Variants in NFE2L3 observed in about 807,000 individuals in gnomAD.
NFE2L3 encodes the protein nuclear factor erythroid 2-related factor 3.
NFE2L3 carries 18 observed loss-of-function variants against 23.5 expected under a neutral mutation model. The ratio of observed to expected loss-of-function variants is 0.77; its 90% CI spans 0.53 to 1.13. NFE2L3 has a LOEUF of 1.13. Ranked by LOEUF, NFE2L3 falls within the 50% of genes most tolerant of loss-of-function variation. The pLI, the probability that NFE2L3 is intolerant of heterozygous loss-of-function variation, is 0.00. For missense variants in NFE2L3, 1,152 were observed against 877.2 expected (o/e 1.31, Z -3.96); for synonymous variants, 424 against 354.5 (o/e 1.20, Z -2.20).
intron 1 of NFE2L3, among the ~76,000 whole-genome samples, chr7:26,169,369 A>G (rs1784300908): frequency 2.0e-5 from 3 of 152,366 alleles, no homozygotes; most frequent in African/African-American, 4.8e-5. Flanking sequence ...GGCAGAACCC[A>G]GCACCTGGGC....
At chr7:26,183,828 ACTGACCTTTTGGTG>A (rs1782398917) in intron 3 of NFE2L3, 44 bp downstream of exon 3, 1 of 1,257,812 alleles carries the variant, frequency 8.0e-7, no homozygotes, top group African/African-American at 1.5e-5. Context: ...ACATATCTGC[ACTGACCTTTTGGTG>A]AACAAATACA....
In NFE2L3 at chr7:26,184,928, G is replaced by A; in HGVS notation, c.1230G>A (p.Gln410=). Residue 410 remains glutamine (Q), a synonymous_variant, in exon 4 of 4, where the codon CAG becomes CAA. Coordinates refer to ENST00000056233, the MANE Select transcript of NFE2L3 (RefSeq NM_004289.7). ...ACTTTGATCCAATCGATGTTTCTCA[G>A]CTTTTTGATGAACCAGATTCTGATT... ...EDNFDPIDVS[Q]LFDEPDSDSG... is the part of the protein sequence containing the mutation. 1.2e-6 allele frequency: 2 copies of A among 1,613,884 alleles called. No homozygotes were observed. The highest frequency in any genetic ancestry group is 1.1e-5 in the South Asian group (1 of 91,068).
chr7:26,180,658 C>T (rs997888636), intron 2 of NFE2L3, among the ~76,000 whole-genome samples: 11 of 152,194 alleles, frequency 7.2e-5, no homozygotes, highest in South Asian at 2.1e-4. Flanking sequence ...GGTATGTCTT[C>T]GTCTTTACTC....
rs575018912 is a variant in NFE2L3, at chr7:26,171,770, C to G, written c.571-6173C>G. Among the ~76,000 whole-genome samples the G allele has an allele frequency of 2.0e-5, 3 of 152,196 alleles. No individual in the cohort carries two copies. In the East Asian group the frequency reaches 5.8e-4, roughly 29 times the overall value. ...ATCTGGCCAGGAGTGATGACCCACA[C>G]CTATAATCCCAGTGTTTTGGGAGGC... On this transcript the variant is annotated intron_variant, in intron 1 of 3. Transcript: ENST00000056233.
In NFE2L3 at chr7:26,152,684, C is replaced by G. The variant is rs1428923634; in HGVS notation, c.186C>G (p.Phe62Leu). 2.0e-6 allele frequency: 3 copies of G among 1,484,700 alleles called. No individual in the cohort carries two copies. Among genetic ancestry groups the G allele is most frequent in the African/African-American group, 1.5e-5 (1 of 68,622 alleles). The allele number at this position is 1,484,700 out of a possible 1,614,324, so 92.0% of individuals were successfully genotyped here. The part of the protein sequence containing the change: ...PASSAYALSP[F>L]SASGGWGRAG... ...GCTCCGCCTACGCGCTCAGCCCCTTCTCGGCCTCGGGAGGGTGGGGGCGCG... is the reference window on the plus strand; with the variant it reads ...GCTCCGCCTACGCGCTCAGCCCCTTGTCGGCCTCGGGAGGGTGGGGGCGCG... Residue 62 changes from phenylalanine (F) to leucine (L), a missense_variant, in exon 1 of 4, where the codon TTC becomes TTG. Coordinates refer to ENST00000056233, the MANE Select transcript of NFE2L3 (RefSeq NM_004289.7). This position sits in a 1 kb window ranked among gnomAD's most constrained non-coding sequence, Gnocchi z 4.4.
intron 1 of NFE2L3, among the ~76,000 whole-genome samples, chr7:26,156,447 T>C (rs1784082923): frequency 6.6e-6 from 1 of 152,074 alleles, no homozygotes; most frequent in African/African-American, 2.4e-5. Flanking sequence ...GAGTAGGGGA[T>C]TTTCCAAGTA....
chr7:26,177,467 C>T (rs944980106), intron 1 of NFE2L3, among the ~76,000 whole-genome samples: 4 of 152,104 alleles, frequency 2.6e-5, no homozygotes, highest in East Asian at 1.9e-4. Context: ...CATGGCGGCG[C>T]GTCCCTGCAA....
In NFE2L3 at chr7:26,157,044, G is replaced by A. The variant is rs535376163; in HGVS notation, c.570+3976G>A. On this transcript the variant is annotated intron_variant, in intron 1 of 3. Coordinates refer to ENST00000056233, the MANE Select transcript of NFE2L3 (RefSeq NM_004289.7). ...AGAGACTCGCTTGAACCTGGGAGGC[G>A]GAGGGTGCAGTGAGCCGAGATCGCT... Among the ~76,000 whole-genome samples the A allele has an allele frequency of 7.2e-5, 11 of 152,120 alleles. No individual in the cohort carries two copies. In the East Asian group the frequency reaches 9.7e-4, roughly 13 times the overall value.
At chr7:26,183,407 A>G (rs982036996) in intron 2 of NFE2L3, among the ~76,000 whole-genome samples, 10 of 151,992 alleles carry the variant, frequency 6.6e-5, no homozygotes, top group African/African-American at 1.9e-4. Context: ...AATTAGCCAG[A>G]CGTGGTGGTG....
intron 1 of NFE2L3, among the ~76,000 whole-genome samples, chr7:26,172,063 G>C (rs756423113): frequency 2.0e-5 from 3 of 152,070 alleles, no homozygotes; most frequent in Non-Finnish European, 2.9e-5. Context: ...GCATTATTTG[G>C]GAAGCATAGC....
intron 1 of NFE2L3, among the ~76,000 whole-genome samples, chr7:26,154,674 C>T (rs534823081): frequency 2.0e-5 from 3 of 152,316 alleles, no homozygotes; most frequent in African/African-American, 7.2e-5. Flanking sequence ...CTTCAGTCTC[C>T]CAGGTAGCTA....
chr7:26,181,934 G>A (rs1784520609), intron 2 of NFE2L3, among the ~76,000 whole-genome samples: 1 of 152,096 alleles, frequency 6.6e-6, no homozygotes, highest in Admixed American at 6.5e-5. Context: ...TACCAGAGAA[G>A]ATGCAAAATA....
At chr7:26,164,975 T>C (rs566412586) in intron 1 of NFE2L3, among the ~76,000 whole-genome samples, 10 of 152,334 alleles carry the variant, frequency 6.6e-5, no homozygotes, top group African/African-American at 2.4e-4. Context: ...GTGGCATTAT[T>C]TCTGAGGGCT....
At chr7:26,160,988 A>G (rs1050213625) in intron 1 of NFE2L3, among the ~76,000 whole-genome samples, 1 of 152,226 alleles carries the variant, frequency 6.6e-6, no homozygotes, top group African/African-American at 2.4e-5. Flanking sequence ...ATAGTAATAG[A>G]TCGTCAACAG....
intron 2 of NFE2L3, among the ~76,000 whole-genome samples, chr7:26,180,634 T>C (rs1425888145): frequency 6.6e-6 from 1 of 152,210 alleles, no homozygotes; most frequent in Non-Finnish European, 1.5e-5. Context: ...GAATTGTATA[T>C]TGCCTTTCTC....
rs70943276 is a variant in NFE2L3, at chr7:26,175,853, C to CTT, written c.571-2072_571-2071dup. On this transcript the variant is annotated intron_variant, in intron 1 of 3. Coordinates refer to ENST00000056233, the MANE Select transcript of NFE2L3 (RefSeq NM_004289.7). ...TTAGCTGTTTGATCAATTTTCTTTT[C>CTT]TTTTTTTTTTTTTTTTTTTAGTATT... is the stretch of plus-strand genomic sequence containing the variant. 2.1e-3 allele frequency among the ~76,000 whole-genome samples: 235 copies of CTT among 111,644 alleles called. 3 individuals carry two copies. Among genetic ancestry groups the CTT allele is most frequent in the Admixed American group, 7.9e-3 (84 of 10,604 alleles). The allele number at this position is 111,644 out of a possible 152,430, so 73.2% of individuals were successfully genotyped here. A position where few individuals can be genotyped will look rare whatever the true frequency, so the allele number is the denominator to read the frequency against.
At chr7:26,158,959 G>T (rs929429841) in intron 1 of NFE2L3, among the ~76,000 whole-genome samples, 3 of 152,184 alleles carry the variant, frequency 2.0e-5, no homozygotes, top group African/African-American at 2.4e-5. Flanking sequence ...AGTTGAGCAG[G>T]GTTGATACAC....
At position 26,184,634 on chromosome 7, in the gene NFE2L3, T is replaced by C; in HGVS notation, c.936T>C (p.Asp312=). 1 of 1,613,974 alleles carries C rather than the reference T, an allele frequency of 6.2e-7. No individual in the cohort carries two copies. Among genetic ancestry groups the C allele is most frequent in the Non-Finnish European group, 8.5e-7 (1 of 1,179,848 alleles). ...ACTTCAGCCAGGCTATAAGTCAGGA[T>C]GTGAATCTTCATGAGGCCATCTTGC... ...HVNFSQAISQ[D]VNLHEAILLC... is the part of the protein sequence containing the mutation. The change falls in exon 4 of 4, where the codon GAT becomes GAC. Residue 312 remains aspartate (D), a synonymous_variant. Transcript: ENST00000056233.
chr7:26,175,292 G>A (rs367587562), intron 1 of NFE2L3, among the ~76,000 whole-genome samples: 6 of 151,542 alleles, frequency 4.0e-5, no homozygotes, highest in African/African-American at 7.3e-5. Context: ...CCTGGGAGGC[G>A]GAGCCTGCCG....
Sources: gnomAD v4.1 joint callset for allele counts (sites outside exome capture counted in the v4.1 genomes callset) on GRCh38, gnomAD v4.1.1 for gene constraint, Gnocchi (gnomAD v3.1) non-coding constraint, MANE v1.5 for transcripts, NCBI Gene and HGNC (gene_info 2026-07-23, HGNC 2026-07-21) for gene names.